The following ZBTB40 variants were observed in gnomAD, a reference collection of about 807,000 sequenced individuals.
ZBTB40 encodes zinc finger and BTB domain containing 40.
Under a neutral mutation model 117.5 loss-of-function variants are expected in ZBTB40, and 60 were observed. The observed-to-expected ratio is 0.51, with a 90% CI of 0.41 to 0.63. The LOEUF is 0.63. Among genes scored for constraint, ZBTB40 ranks in the 30% least tolerant of loss-of-function variants. The pLI is 0.00. For synonymous variants in ZBTB40, 525 were observed against 577.1 expected (o/e 0.91, Z 1.29); for missense variants, 1,287 against 1,498.5 (o/e 0.86, Z 2.33).
chr1:22,458,193 C>T (rs1247779446), intron 1 of ZBTB40, among the ~76,000 whole-genome samples: 3 of 152,218 alleles, frequency 2.0e-5, no homozygotes, highest in African/African-American at 7.2e-5. Context: ...CAGCTTCATT[C>T]CTCTCCAATC....
In ZBTB40 at chr1:22,508,665, T is replaced by C. The variant is rs1639141874; in HGVS notation, c.1633T>C (p.Cys545Arg). Residue 545 changes from cysteine to arginine, a missense_variant, in exon 8 of 18, where the codon TGT becomes CGT. Physicochemically the swap from Cys to Arg is radical, Grantham distance 180. Transcript: ENST00000375647. Reference protein sequence around the residue: ...LLLVVQETKTCPLDLLMEEIR... With the variant: ...LLLVVQETKTRPLDLLMEEIR... ...GCTGGTGGTTCAGGAGACAAAGACC[T>C]GTCCATTGGACCTGCTCATGGAGGA... 6.2e-7 allele frequency: 1 copy of C among 1,614,100 alleles called. No homozygotes were observed. The highest frequency in any genetic ancestry group is 8.5e-7 in the Non-Finnish European group (1 of 1,180,050).
At chr1:22,491,930 T>G (rs2124432632) in intron 3 of ZBTB40, among the ~76,000 whole-genome samples, 1 of 152,274 alleles carries the variant, frequency 6.6e-6, no homozygotes, top group African/African-American at 2.4e-5. Context: ...TTATATAAAC[T>G]TATAAATTAT....
chr1:22,430,788 A>G (rs1275654804), intron 1 of ZBTB40, among the ~76,000 whole-genome samples: 2 of 151,860 alleles, frequency 1.3e-5, no homozygotes, highest in Non-Finnish European at 1.5e-5. Flanking sequence ...CTTTTTATAT[A>G]TTGTCCTTAC....
chr1:22,442,874 T>G (rs953233032), intron 1 of ZBTB40, among the ~76,000 whole-genome samples: 2 of 152,212 alleles, frequency 1.3e-5, no homozygotes, highest in Non-Finnish European at 2.9e-5. Context: ...TCATTCTCCC[T>G]TCAATTCCGT....
At chr1:22,440,537 T>C (rs1356777684) in intron 1 of ZBTB40, among the ~76,000 whole-genome samples, 1 of 152,220 alleles carries the variant, frequency 6.6e-6, no homozygotes, top group Non-Finnish European at 1.5e-5. Context: ...AAAGTGGAGA[T>C]CCTTGTCTTG....
intron 1 of ZBTB40, among the ~76,000 whole-genome samples, chr1:22,481,498 GTTTTTC>G (rs931896545): frequency 6.6e-6 from 1 of 151,928 alleles, no homozygotes; most frequent in African/African-American, 2.4e-5. Flanking sequence ...TTCTGCTGAA[GTTTTTC>G]TTTTTCTCTT....
At chr1:22,482,446 A>G (rs1638348991) in intron 1 of ZBTB40, among the ~76,000 whole-genome samples, 1 of 152,162 alleles carries the variant, frequency 6.6e-6, no homozygotes, top group Non-Finnish European at 1.5e-5. Context: ...GTCTCACACC[A>G]TATTGGTACA....
intron 4 of ZBTB40, 102 bp from the exon 5 acceptor site, chr1:22,502,197 A>G: frequency 6.4e-6 from 9 of 1,406,102 alleles, no homozygotes; most frequent in Non-Finnish European, 8.8e-6. Flanking sequence ...ATAAGCTGAA[A>G]ATCACTTTAC....
intron 1 of ZBTB40, among the ~76,000 whole-genome samples, chr1:22,462,774 T>C (rs1390287530): frequency 1.3e-5 from 2 of 152,210 alleles, no homozygotes; most frequent in African/African-American, 4.8e-5. Context: ...AGTCGGACTC[T>C]CCCCACTTTC....
chr1:22,473,626 G>A (rs1425437649), intron 1 of ZBTB40, among the ~76,000 whole-genome samples: 1 of 152,214 alleles, frequency 6.6e-6, no homozygotes, highest in Non-Finnish European at 1.5e-5. Context: ...ATTGGTGATT[G>A]AGAAAAACAT....
In ZBTB40 at chr1:22,489,940, G is replaced by A; in HGVS notation, c.-9G>A. On this transcript the variant is annotated 5_prime_UTR_variant, in exon 2 of 18. Coordinates refer to ENST00000375647, the MANE Select transcript of ZBTB40 (RefSeq NM_014870.4). ...GAGGAAGAGCAGTTCTTGGGGCAGAGTTGACGCAATGGAGCTCCCCAACTA... is the reference window on the plus strand; with the variant it reads ...GAGGAAGAGCAGTTCTTGGGGCAGAATTGACGCAATGGAGCTCCCCAACTA... The A allele has an allele frequency of 6.2e-7, 1 of 1,609,252 alleles. No homozygotes were observed. Among genetic ancestry groups the A allele is most frequent in the Non-Finnish European group, 8.5e-7 (1 of 1,179,932 alleles).
chr1:22,511,661 GTC>G lies in ZBTB40; in HGVS notation c.2003-11_2003-10del. 6.2e-7 allele frequency: 1 copy of G among 1,610,692 alleles called. No homozygotes were observed. Reference sequence around the variant, plus strand: ...CAGAGAGTTCGCAGAGCCACGAGATGTCTCTTTTATGCAGGTGTCCTTACTAA... The same window carrying G: ...CAGAGAGTTCGCAGAGCCACGAGATGTCTTTTATGCAGGTGTCCTTACTAA... On this transcript the variant is annotated splice_polypyrimidine_tract_variant and intron_variant, in intron 10 of 17. Transcript: ENST00000375647.
chr1:22,487,635 G>T (rs778697782), intron 1 of ZBTB40, among the ~76,000 whole-genome samples: 7 of 151,878 alleles, frequency 4.6e-5, no homozygotes, highest in Admixed American at 1.3e-4. Flanking sequence ...CCTATTACCA[G>T]TTCTCCTGCT....
At chr1:22,512,881 T>C (rs988723724) in intron 11 of ZBTB40, 43 bp from the exon 12 acceptor site, 13 of 1,602,768 alleles carry the variant, frequency 8.1e-6, no homozygotes, top group Non-Finnish European at 1.0e-5. Flanking sequence ...TAACACTGAT[T>C]AGTAGCATCT....
At chr1:22,484,537 T>C (rs1364421340) in intron 1 of ZBTB40, among the ~76,000 whole-genome samples, 4 of 152,152 alleles carry the variant, frequency 2.6e-5, no homozygotes, top group African/African-American at 4.8e-5. Context: ...TTCCAGGAGG[T>C]TTTTTGTCAT....
chr1:22,432,090 A>T (rs6426755), intron 1 of ZBTB40, among the ~76,000 whole-genome samples: 143,588 of 152,204 alleles, frequency 0.94, 68,312 homozygotes, highest in East Asian at 1. Context: ...TCTGAACATT[A>T]CTCCCATTTT....
intron 1 of ZBTB40, among the ~76,000 whole-genome samples, chr1:22,453,844 C>T (rs143603405): frequency 8.7e-4 from 133 of 152,346 alleles, no homozygotes; most frequent in African/African-American, 2.5e-3. Context: ...CCACACCTTA[C>T]TGTTGTTATC....
chr1:22,519,975 C>G (rs1324367453), intron 13 of ZBTB40, 86 bp from the exon 14 acceptor site: 1 of 1,208,328 alleles, frequency 8.3e-7, no homozygotes, highest in African/African-American at 1.5e-5. Flanking sequence ...TTGCTGTACA[C>G]AACAACCAGT....
chr1:22,531,144 T>C lies in ZBTB40; in HGVS notation c.*4748T>C, dbSNP rs959969010. ...TTTTAGCTTTTATTAATAAAAGTTTTTGGCATACAAGTCAACTATTCCCTG... is the reference window on the plus strand; with the variant it reads ...TTTTAGCTTTTATTAATAAAAGTTTCTGGCATACAAGTCAACTATTCCCTG... On this transcript the variant is annotated 3_prime_UTR_variant, in exon 18 of 18. Coordinates refer to ENST00000375647, the MANE Select transcript of ZBTB40 (RefSeq NM_014870.4). The C allele has an allele frequency of 8.5e-5, 13 of 152,364 alleles. No homozygotes were observed. The highest frequency in any genetic ancestry group is 1.9e-4 in the African/African-American group (8 of 41,452). 9.4% of individuals were successfully genotyped at this position (152,364 alleles called of 1,614,324 possible).
Sources: allele counts gnomAD v4.1 joint callset (sites outside exome capture counted in the v4.1 genomes callset), GRCh38; gene constraint gnomAD v4.1.1; transcripts MANE v1.5; gene names NCBI Gene and HGNC (gene_info 2026-07-23, HGNC 2026-07-21).